Variants in TFIP11 observed in about 807,000 individuals in gnomAD.
TFIP11 encodes tuftelin-interacting protein 11.
In TFIP11, 86 loss-of-function variants were observed where a neutral mutation model predicts 96.8. That is an observed-to-expected ratio of 0.89 (90% CI 0.75 to 1.06). TFIP11 has a LOEUF of 1.06. Ranked by LOEUF, TFIP11 falls within the 50% of genes least tolerant of loss-of-function variation. TFIP11 has a pLI of 0.00. For synonymous variants in TFIP11, 405 were observed against 395.2 expected (o/e 1.02, Z -0.29); for missense variants, 881 against 1,076.7 (o/e 0.82, Z 2.54).
chr22:26,499,927 G>GA (rs1922571564), intron 8 of TFIP11, among the ~76,000 whole-genome samples: 1 of 152,106 alleles, frequency 6.6e-6, no homozygotes, highest in Non-Finnish European at 1.5e-5. Flanking sequence ...TAGTAGATGT[G>GA]AAAATTTATT....
In TFIP11 at chr22:26,494,954, C is replaced by G. The variant is rs376723442; in HGVS notation, c.1850-15G>C. 6.2e-7 allele frequency: 1 copy of G among 1,614,094 alleles called. No individual in the cohort carries two copies. The highest frequency in any genetic ancestry group is 1.7e-5 in the Admixed American group (1 of 60,014). ...AAGACACATCCCTGGAAGAGAAACC[C>G]GGTCTGTAAGGCACAGCTTTAGTAC... On this transcript the variant is annotated splice_polypyrimidine_tract_variant and intron_variant, in intron 12 of 14. Transcript: ENST00000407690.
chr22:26,499,672 C>A lies in TFIP11; in HGVS notation c.802-41G>T. 3.8e-6 allele frequency: 6 copies of A among 1,561,184 alleles called. No individual in the cohort carries two copies. The African/African-American group carries it at 6.7e-5, about 18-fold the overall frequency. The stretch of plus-strand genomic sequence containing the variant: ...GGGATGAAGGTTAACACCGCTGCAG[C>A]CCTGTTAAACACACAGCTAAGCCCA... On this transcript the variant is annotated intron_variant, in intron 8 of 14. Coordinates refer to ENST00000407690, the MANE Select transcript of TFIP11 (RefSeq NM_012143.4).
chr22:26,494,719 CA>C, intron 13 of TFIP11, 77 bp downstream of exon 13: 1 of 1,579,892 alleles, frequency 6.3e-7, no homozygotes, highest in Non-Finnish European at 8.6e-7. Flanking sequence ...ATTGTACCTA[CA>C]GTCAGGCCTT....
chr22:26,492,166 G>A lies in TFIP11; in HGVS notation c.2361C>T (p.Val787=). Residue 787 remains valine (V), a synonymous_variant, in exon 15 of 15, where the codon GTC becomes GTT. Coordinates refer to ENST00000407690, the MANE Select transcript of TFIP11 (RefSeq NM_012143.4). ...IETKAEEHNI[V]FMPVIGKRHE... ...GTCGCTTCCCAATGACGGGCATGAAGACAATGTTGTGCTCCTCAGCCTTGG... is the reference window on the plus strand; with the variant it reads ...GTCGCTTCCCAATGACGGGCATGAAAACAATGTTGTGCTCCTCAGCCTTGG... The A allele has an allele frequency of 6.2e-7, 1 of 1,614,228 alleles. No homozygotes were observed. The highest frequency in any genetic ancestry group is 8.5e-7 in the Non-Finnish European group (1 of 1,180,052).
chr22:26,497,154 C>CT (rs2147127269), intron 10 of TFIP11, among the ~76,000 whole-genome samples: 1 of 152,316 alleles, frequency 6.6e-6, no homozygotes, highest in Admixed American at 6.5e-5. Context: ...ACAAGGGCCT[C>CT]TTCCCAGGTA....
intron 7 of TFIP11, 36 bp from the exon 8 acceptor site, chr22:26,502,088 A>G (rs369235322): frequency 1.2e-6 from 2 of 1,613,632 alleles, no homozygotes; most frequent in African/African-American, 1.3e-5. Flanking sequence ...GCAGCAAGGA[A>G]CAACCACTTT....
rs1921212787 is a variant in TFIP11, at chr22:26,491,731, G to A, written c.*282C>T. The A allele has an allele frequency of 2.7e-6, 4 of 1,485,316 alleles. No homozygotes were observed. The African/African-American group carries it at 5.6e-5, about 21-fold the overall frequency. 92.0% of individuals were successfully genotyped at this position (1,485,316 alleles called of 1,614,324 possible). On this transcript the variant is annotated 3_prime_UTR_variant, in exon 15 of 15. Coordinates refer to ENST00000407690, the MANE Select transcript of TFIP11 (RefSeq NM_012143.4). ...AGAAGCTGCCACCAGAGACTAAAGG[G>A]AAGGCTGCTATGGAGGAACTACAGA...
At chr22:26,508,928 C>A (rs1025345596) in intron 4 of TFIP11, among the ~76,000 whole-genome samples, 1 of 152,012 alleles carries the variant, frequency 6.6e-6, no homozygotes, top group Non-Finnish European at 1.5e-5. Flanking sequence ...GAGGAAAAAA[C>A]CCCCAACCTG....
At chr22:26,494,093 T>C (rs1473322948) in intron 14 of TFIP11, 46 bp downstream of exon 14, 1 of 1,604,596 alleles carries the variant, frequency 6.2e-7, no homozygotes, top group Admixed American at 1.7e-5. Flanking sequence ...ATGTGTAAAA[T>C]CTGAAACTTG....
chr22:26,493,060 C>T (rs989910815), intron 14 of TFIP11: 4 of 151,058 alleles, frequency 2.6e-5, no homozygotes, highest in African/African-American at 9.8e-5. Flanking sequence ...GAGTCTCGCT[C>T]TTGTCACCTA....
At chr22:26,505,106 TAG>T (rs1448917455) in intron 6 of TFIP11, among the ~76,000 whole-genome samples, 2 of 151,892 alleles carry the variant, frequency 1.3e-5, no homozygotes, top group Non-Finnish European at 2.9e-5. Context: ...TATTATTATT[TAG>T]AGACTGGAAT....
chr22:26,492,690 T>G (rs1921363257), intron 14 of TFIP11: 2 of 283,760 alleles, frequency 7.0e-6, no homozygotes, highest in Non-Finnish European at 1.4e-5. Flanking sequence ...GTTCCCACCT[T>G]GCTCTGTAGA....
intron 6 of TFIP11, among the ~76,000 whole-genome samples, chr22:26,504,365 AT>A (rs1387767989): frequency 1.3e-5 from 2 of 152,202 alleles, no homozygotes; most frequent in East Asian, 1.9e-4. Flanking sequence ...CTGACTCCAA[AT>A]TTTCCATCCC....
At chr22:26,507,035 A>C in intron 4 of TFIP11, 107 bp from the exon 5 acceptor site, 24 of 1,328,890 alleles carry the variant, frequency 1.8e-5, no homozygotes, top group Non-Finnish European at 2.1e-5. Flanking sequence ...AGTGAATCTC[A>C]TGGGAGGTTT....
chr22:26,495,091 A>G, intron 12 of TFIP11, 152 bp from the exon 13 acceptor site: 2 of 994,878 alleles, frequency 2.0e-6, no homozygotes, highest in Non-Finnish European at 2.9e-6. Context: ...CCTCCCGAGT[A>G]GCTGGGAGTA....
intron 2 of TFIP11, 169 bp downstream of exon 2, chr22:26,511,929 GC>G (rs913141949): frequency 5.1e-4 from 77 of 152,306 alleles, no homozygotes; most frequent in African/African-American, 1.8e-3. Flanking sequence ...ATGGTAATAA[GC>G]CCCGAGTAGT....
intron 4 of TFIP11, 119 bp from the exon 5 acceptor site, chr22:26,507,047 T>G (rs972789991): frequency 6.5e-6 from 8 of 1,238,310 alleles, no homozygotes; most frequent in Non-Finnish European, 8.8e-6. Context: ...GGGAGGTTTT[T>G]TAAAAAAGTA....
chr22:26,498,852 C>A lies in TFIP11; in HGVS notation c.1436+17G>T. The A allele has an allele frequency of 6.3e-7, 1 of 1,590,518 alleles. No individual in the cohort carries two copies. The highest frequency in any genetic ancestry group is 8.6e-7 in the Non-Finnish European group (1 of 1,158,724). On this transcript the variant is annotated intron_variant, in intron 10 of 14. Transcript: ENST00000407690. Reference sequence around the variant, plus strand: ...GGAGAAAGGAGCTGGGGTACAGAGCCCTGCTCTGTGGTGTACCTGTGAAAG... The same window carrying A: ...GGAGAAAGGAGCTGGGGTACAGAGCACTGCTCTGTGGTGTACCTGTGAAAG...
At chr22:26,497,157 C>T (rs1340908072) in intron 10 of TFIP11, among the ~76,000 whole-genome samples, 1 of 152,158 alleles carries the variant, frequency 6.6e-6, no homozygotes, top group African/African-American at 2.4e-5. Flanking sequence ...AGGGCCTCTT[C>T]CCAGGTATCA....
Sources: allele counts gnomAD v4.1 joint callset (sites outside exome capture counted in the v4.1 genomes callset), GRCh38; gene constraint gnomAD v4.1.1; transcripts MANE v1.5; gene names NCBI Gene and HGNC (gene_info 2026-07-23, HGNC 2026-07-21).